The following PLPPR1 variants were observed in gnomAD, a reference collection of about 807,000 sequenced individuals.
PLPPR1 encodes the protein phospholipid phosphatase-related protein type 1.
Under a neutral mutation model 33.1 loss-of-function variants are expected in PLPPR1, and 10 were observed. The ratio of observed to expected loss-of-function variants is 0.30; its 90% confidence interval spans 0.19 to 0.51. PLPPR1 has a LOEUF of 0.51. PLPPR1 is among the 20% of genes least tolerant of loss of function. The pLI is 0.97. For synonymous variants in PLPPR1, 151 were observed against 151.0 expected (o/e 1.00, Z 0.00); for missense variants, 304 against 408.1 (o/e 0.74, Z 2.20).
intron 1 of PLPPR1, among the ~76,000 whole-genome samples, chr9:101,093,481 T>C (rs1352373256): frequency 6.6e-6 from 1 of 152,240 alleles, no homozygotes; most frequent in Non-Finnish European, 1.5e-5. Flanking sequence ...ATGGGAGCTA[T>C]AACAGAGCTT....
intron 2 of PLPPR1, among the ~76,000 whole-genome samples, chr9:101,195,252 G>A (rs1826375142): frequency 6.6e-6 from 1 of 152,144 alleles, no homozygotes; most frequent in African/African-American, 2.4e-5. Context: ...ATGTGGCCAT[G>A]CCCCACTTCA....
In PLPPR1 at chr9:101,250,010, G is replaced by A. The variant is rs77397894; in HGVS notation, c.64-19870G>A. The stretch of plus-strand genomic sequence containing the variant: ...ATTTTTTGCAATAAGAATTAAATCC[G>A]TGCTGCCTAGTGCTAGATTGCCACA... On this transcript the variant is annotated intron_variant, in intron 2 of 7. Transcript: ENST00000374874. 5.0e-3 allele frequency among the ~76,000 whole-genome samples: 762 copies of A among 152,122 alleles called. 9 individuals are homozygous for A. The East Asian group carries it at 0.061, about 12-fold the overall frequency.
chr9:101,238,512 C>T (rs2118841260), intron 2 of PLPPR1, among the ~76,000 whole-genome samples: 1 of 151,148 alleles, frequency 6.6e-6, no homozygotes, highest in East Asian at 2.0e-4. Flanking sequence ...GGCCATTATC[C>T]TAAGTGAAAT....
intron 2 of PLPPR1, among the ~76,000 whole-genome samples, chr9:101,227,906 T>C (rs1260053241): frequency 6.6e-6 from 1 of 152,088 alleles, no homozygotes. Flanking sequence ...CCTCCCAAAG[T>C]AGCTGGGATT....
rs753834447 is a variant in PLPPR1 at position 101,128,601 on chromosome 9, G to GT, written c.-45-56843dup. Reference sequence around the variant, plus strand: ...AGGTTTAACATGACAGGAGGGTGATGTTTTTTCTGTTGATGTGCCCAAGTT... The same window carrying GT: ...AGGTTTAACATGACAGGAGGGTGATGTTTTTTTCTGTTGATGTGCCCAAGTT... On this transcript the variant is annotated intron_variant, in intron 1 of 7. Transcript: ENST00000374874. 7.9e-5 allele frequency among the ~76,000 whole-genome samples: 12 copies of GT among 152,286 alleles called. No individual in the cohort carries two copies. In the East Asian group the frequency reaches 1.2e-3, roughly 15 times the overall value.
At chr9:101,037,298 TAGAA>T (rs1830021304) in intron 1 of PLPPR1, among the ~76,000 whole-genome samples, 1 of 152,144 alleles carries the variant, frequency 6.6e-6, no homozygotes, top group Admixed American at 6.6e-5. Flanking sequence ...TCCATTATGT[TAGAA>T]AGGGCTTTTT....
intron 3 of PLPPR1, among the ~76,000 whole-genome samples, chr9:101,275,522 A>C (rs950631930): frequency 6.6e-6 from 1 of 152,210 alleles, no homozygotes; most frequent in African/African-American, 2.4e-5. Flanking sequence ...GTCCCCGTTT[A>C]GCCCAAAGTG....
intron 2 of PLPPR1, among the ~76,000 whole-genome samples, chr9:101,194,740 T>G (rs1826364592): frequency 7.7e-6 from 1 of 129,972 alleles, no homozygotes; most frequent in Admixed American, 8.6e-5. Context: ...GCAACAAGAG[T>G]GAAACTCCAT....
chr9:101,209,355 G>A (rs1588073134), intron 2 of PLPPR1, among the ~76,000 whole-genome samples: 2 of 152,204 alleles, frequency 1.3e-5, no homozygotes, highest in African/African-American at 4.8e-5. Context: ...TTTCCCGTCT[G>A]GCAGATATGT....
intron 1 of PLPPR1, among the ~76,000 whole-genome samples, chr9:101,082,719 G>GAAA (rs1234128840): frequency 6.6e-6 from 1 of 152,176 alleles, no homozygotes; most frequent in Non-Finnish European, 1.5e-5. Context: ...CCAGTCCCAT[G>GAAA]TGTTATTCAG....
intron 6 of PLPPR1, among the ~76,000 whole-genome samples, chr9:101,316,488 G>C (rs1455481951): frequency 2.0e-5 from 3 of 151,704 alleles, no homozygotes; most frequent in Non-Finnish European, 4.4e-5. Context: ...ATGGAGATGA[G>C]CCAGGTAGAG....
intron 4 of PLPPR1, among the ~76,000 whole-genome samples, chr9:101,304,777 C>T (rs1828824309): frequency 6.6e-6 from 1 of 152,154 alleles, no homozygotes; most frequent in African/African-American, 2.4e-5. Context: ...CCTACTAGAG[C>T]TCCTCAGCTC....
intron 7 of PLPPR1, 116 bp from the exon 8 acceptor site, chr9:101,323,909 C>T (rs56021420): frequency 1.1e-5 from 8 of 703,268 alleles, no homozygotes; most frequent in East Asian, 2.8e-5. Context: ...ATTAGGGGGA[C>T]GGAACAGCCT....
At chr9:101,029,276 C>T (rs1829910223) in intron 1 of PLPPR1, among the ~76,000 whole-genome samples, 174 bp downstream of exon 1, 1 of 152,186 alleles carries the variant, frequency 6.6e-6, no homozygotes, top group Non-Finnish European at 1.5e-5. Flanking sequence ...GAGGACGAAC[C>T]CAGGGAGGGT....
intron 1 of PLPPR1, among the ~76,000 whole-genome samples, chr9:101,142,815 G>T (rs1831469211): frequency 6.6e-6 from 1 of 152,052 alleles, no homozygotes; most frequent in Non-Finnish European, 1.5e-5. Flanking sequence ...TCCTCAAGGA[G>T]TTCCCATTAT....
chr9:101,271,053 A>G (rs1291077426), intron 3 of PLPPR1, among the ~76,000 whole-genome samples: 1 of 152,202 alleles, frequency 6.6e-6, no homozygotes, highest in Non-Finnish European at 1.5e-5. Flanking sequence ...AATTTTGAAG[A>G]TAAATAATAT....
chr9:101,311,195 T>C (rs1472859273), intron 5 of PLPPR1, among the ~76,000 whole-genome samples: 3 of 152,174 alleles, frequency 2.0e-5, no homozygotes, highest in Non-Finnish European at 4.4e-5. Context: ...TCTCAACAAA[T>C]GAGATACGAA....
intron 4 of PLPPR1, among the ~76,000 whole-genome samples, chr9:101,300,938 A>G (rs1027877899): frequency 1.3e-5 from 2 of 152,236 alleles, no homozygotes; most frequent in African/African-American, 2.4e-5. Context: ...GAGAAGGCTC[A>G]TATTTGTGAG....
chr9:101,123,178 T>A (rs1831197308), intron 1 of PLPPR1, among the ~76,000 whole-genome samples: 1 of 152,174 alleles, frequency 6.6e-6, no homozygotes, highest in Admixed American at 6.5e-5. Context: ...ACATTAAAAA[T>A]CTGAAAGTCC....
Sources: gnomAD v4.1 joint callset for allele counts (sites outside exome capture counted in the v4.1 genomes callset) on GRCh38, gnomAD v4.1.1 for gene constraint, MANE v1.5 for transcripts, NCBI Gene and HGNC (gene_info 2026-07-23, HGNC 2026-07-21) for gene names.